Variants in PIK3C2A observed in about 807,000 individuals in gnomAD.
The protein encoded by PIK3C2A is phosphatidylinositol-4-phosphate 3-kinase catalytic subunit type 2 alpha.
A neutral mutation model predicts 204.5 loss-of-function variants in PIK3C2A; 97 were observed. That is an observed-to-expected ratio of 0.47 (90% CI 0.40 to 0.56). The LOEUF (loss-of-function observed/expected upper bound fraction) is 0.56. Ranked by LOEUF, PIK3C2A falls within the 20% of genes least tolerant of loss-of-function variation. The probability of loss-of-function intolerance (pLI) is 0.00; values close to 1 mark genes in which losing one functional copy is unlikely to be tolerated. For missense variants in PIK3C2A, 1,735 were observed against 1,969.2 expected (o/e 0.88, Z 2.25); for synonymous variants, 653 against 664.4 (o/e 0.98, Z 0.26).
intron 1 of PIK3C2A, among the ~76,000 whole-genome samples, chr11:17,186,348 T>C (rs903869487): frequency 6.6e-6 from 1 of 152,132 alleles, no homozygotes. Flanking sequence ...ATTTTGTTTA[T>C]TGCCTGCATT....
At position 17,110,640 on chromosome 11, in the gene PIK3C2A, C is replaced by G. The variant is rs61763076; in HGVS notation, c.3415-79G>C. 18 of 1,364,730 alleles carry G rather than the reference C, an allele frequency of 1.3e-5. No individual in the cohort carries two copies. In the African/African-American group the frequency reaches 2.5e-4, roughly 19 times the overall value. The allele number at this position is 1,364,730 out of a possible 1,614,324, so 84.5% of individuals were successfully genotyped here. On this transcript the variant is annotated intron_variant, in intron 21 of 32. Transcript: ENST00000691414. Reference sequence around the variant, plus strand: ...ATTACATACTATGAAAGCTGTAATCCCAGCACTTTGGGAGGCCAAAGTGGG... The same window carrying G: ...ATTACATACTATGAAAGCTGTAATCGCAGCACTTTGGGAGGCCAAAGTGGG...
chr11:17,106,286 C>T (rs183508043), intron 22 of PIK3C2A, among the ~76,000 whole-genome samples: 3 of 151,826 alleles, frequency 2.0e-5, no homozygotes, highest in East Asian at 3.9e-4. Flanking sequence ...GTGACACACA[C>T]CTGCAGTCCC....
At chr11:17,194,913 G>GGA (rs1852093980) in intron 1 of PIK3C2A, among the ~76,000 whole-genome samples, 2 of 141,806 alleles carry the variant, frequency 1.4e-5, no homozygotes, top group African/African-American at 2.6e-5. Flanking sequence ...CCATCTCGAA[G>GGA]AAAAAAAAAA....
chr11:17,162,276 G>A (rs1181048260), intron 2 of PIK3C2A, among the ~76,000 whole-genome samples: 2 of 151,728 alleles, frequency 1.3e-5, no homozygotes, highest in Non-Finnish European at 2.9e-5. Flanking sequence ...GAGACGTGGA[G>A]GTTGCAGTGA....
rs2137337962 is a variant in PIK3C2A, at chr11:17,118,707, T to C, written c.2973A>G (p.Ser991=). The C allele has an allele frequency of 2.6e-6, 4 of 1,564,654 alleles. No homozygotes were observed. The highest frequency in any genetic ancestry group is 3.5e-6 in the Non-Finnish European group (4 of 1,136,372). ...ALKYEIYLNS[S]LVQFLLSRAL... is the part of the protein sequence containing the mutation. ...CCCTGGACAAAAGGAATTGCACTAA[T>C]GAACTATTCAAGTAAATTTCATATT... Residue 991 remains serine, a synonymous_variant, in exon 18 of 33, where the codon TCA becomes TCG. Transcript: ENST00000691414.
chr11:17,125,345 A>G (rs1344095964), intron 13 of PIK3C2A, among the ~76,000 whole-genome samples: 1 of 152,164 alleles, frequency 6.6e-6, no homozygotes, highest in Non-Finnish European at 1.5e-5. Context: ...GGATGCCGCT[A>G]AACATCCTAC....
chr11:17,149,022 T>C (rs373338036), intron 4 of PIK3C2A, among the ~76,000 whole-genome samples: 7 of 152,184 alleles, frequency 4.6e-5, no homozygotes, highest in African/African-American at 1.7e-4. Context: ...CCTCTATATA[T>C]GTTGGTTCTG....
At chr11:17,121,759 T>C (rs1849373718) in intron 15 of PIK3C2A, among the ~76,000 whole-genome samples, 1 of 152,098 alleles carries the variant, frequency 6.6e-6, no homozygotes, top group African/African-American at 2.4e-5. Context: ...GTATTGTATT[T>C]TTCTAAAAAA....
rs138998542 is a variant in PIK3C2A, at chr11:17,135,015, C to T, written c.1912G>A (p.Glu638Lys). ...RSSTRGSLNP[E>K]NPVQVSINQL... The stretch of plus-strand genomic sequence containing the variant: ...TTTATGCTTACTTGAACAGGATTTT[C>T]AGGATTAAGTGAGCCTAGATTAAAG... The change falls in exon 11 of 33, where the codon GAA becomes AAA. Residue 638 changes from glutamate (E) to lysine (K), a missense_variant. By Grantham distance (56) the Glu-to-Lys change is moderately conservative. This residue lies in a region of PIK3C2A where 567 missense variants were observed against 576.0 expected (regional missense o/e 0.98). Transcript: ENST00000691414. 8.7e-6 allele frequency: 14 copies of T among 1,613,616 alleles called. No individual in the cohort carries two copies. Among genetic ancestry groups the T allele is most frequent in the Non-Finnish European group, 1.1e-5 (13 of 1,179,810 alleles).
chr11:17,207,070 TTCCCTCCTCAA>T (rs1458473477), intron 1 of PIK3C2A, among the ~76,000 whole-genome samples: 1 of 152,202 alleles, frequency 6.6e-6, no homozygotes, highest in Non-Finnish European at 1.5e-5. Flanking sequence ...CCTTCCTCAT[TTCCCTCCTCAA>T]TCCCTCCTCC....
At chr11:17,100,792 T>A (rs1488938090) in intron 25 of PIK3C2A, among the ~76,000 whole-genome samples, 1 of 152,242 alleles carries the variant, frequency 6.6e-6, no homozygotes, top group Admixed American at 6.5e-5. Flanking sequence ...ACTTTCTATT[T>A]CTGAGTTATT....
intron 1 of PIK3C2A, chr11:17,194,206 C>T (rs1270000489): frequency 1.8e-5 from 8 of 434,784 alleles, no homozygotes; most frequent in South Asian, 1.3e-4. Context: ...GCCGGCCAAA[C>T]GACAAGGACA....
At chr11:17,160,446 G>A (rs1184874669) in intron 2 of PIK3C2A, among the ~76,000 whole-genome samples, 8 of 152,150 alleles carry the variant, frequency 5.3e-5, no homozygotes, top group African/African-American at 1.9e-4. Context: ...GAATATGGTC[G>A]AGGGATTGGC....
At chr11:17,126,345 C>G (rs1185990831) in intron 13 of PIK3C2A, among the ~76,000 whole-genome samples, 1 of 151,864 alleles carries the variant, frequency 6.6e-6, no homozygotes, top group African/African-American at 2.4e-5. Context: ...CACTTGAGGC[C>G]AGGAGTTTGA....
chr11:17,192,233 T>G (rs1356241033), intron 1 of PIK3C2A, among the ~76,000 whole-genome samples: 1 of 152,194 alleles, frequency 6.6e-6, no homozygotes, highest in Non-Finnish European at 1.5e-5. Flanking sequence ...AAGATGCTCT[T>G]TGGGGAATAT....
intron 18 of PIK3C2A, among the ~76,000 whole-genome samples, 190 bp from the exon 19 acceptor site, chr11:17,117,861 C>T (rs1258431702): frequency 6.6e-6 from 1 of 151,166 alleles, no homozygotes; most frequent in Non-Finnish European, 1.5e-5. Context: ...CTATAGGCGC[C>T]CGCCACCACA....
rs141737951 is a variant in PIK3C2A at position 17,191,720 on chromosome 11, T to G, written c.-66+16128A>C. Among the ~76,000 whole-genome samples the G allele has an allele frequency of 2.6e-5, 4 of 152,272 alleles. No homozygotes were observed. In the East Asian group the frequency reaches 7.7e-4, roughly 29 times the overall value. ...CCTCCCCAGCCCCCAGACTTGCAGT[T>G]GGTGTCAGAAGTGAAAGTGGTCTTA... On this transcript the variant is annotated intron_variant, in intron 1 of 32. Transcript: ENST00000691414.
intron 3 of PIK3C2A, among the ~76,000 whole-genome samples, chr11:17,154,954 AC>A (rs1448648378): frequency 7.9e-5 from 12 of 152,212 alleles, no homozygotes; most frequent in Admixed American, 7.9e-4. Flanking sequence ...AACATGCTTA[AC>A]CAGAAGCAAA....
At chr11:17,186,247 G>A (rs754814289) in intron 1 of PIK3C2A, among the ~76,000 whole-genome samples, 1 of 151,898 alleles carries the variant, frequency 6.6e-6, no homozygotes, top group Non-Finnish European at 1.5e-5. Context: ...AGTTAAAACT[G>A]CAATTTTCTC....
Sources: gnomAD v4.1 joint callset for allele counts (sites outside exome capture counted in the v4.1 genomes callset) on GRCh38, gnomAD v4.1.1 for gene constraint, gnomAD v4.1.1 regional missense constraint, MANE v1.5 for transcripts, NCBI Gene and HGNC (gene_info 2026-07-23, HGNC 2026-07-21) for gene names.